The following HK1 variants were observed in gnomAD, a reference collection of about 807,000 sequenced individuals.
HK1 encodes hexokinase-1.
HK1 carries 28 observed loss-of-function variants against 91.6 expected under a neutral mutation model. That is an observed-to-expected ratio of 0.31 (90% CI 0.23 to 0.42). The LOEUF (loss-of-function observed/expected upper bound fraction) is 0.42. Ranked by LOEUF, HK1 falls within the 10% of genes least tolerant of loss-of-function variation. The pLI is 1.00. For synonymous variants in HK1, 430 were observed against 468.1 expected, an observed-to-expected ratio of 0.92 and a Z score of 1.05; for missense variants, 770 against 1,219.8, an observed-to-expected ratio of 0.63 and a Z score of 5.49.
intron 9 of HK1, among the ~76,000 whole-genome samples, chr10:69,381,807 G>A (rs913381960): frequency 1.3e-5 from 2 of 152,184 alleles, no homozygotes; most frequent in African/African-American, 2.4e-5. Flanking sequence ...ACCTGCCTTG[G>A]CCTCCCAAAG....
At chr10:69,371,433 A>G (rs1850000664) in intron 7 of HK1, among the ~76,000 whole-genome samples, 1 of 150,390 alleles carries the variant, frequency 6.6e-6, no homozygotes, top group Non-Finnish European at 1.5e-5. Context: ...GTGCTGCCTC[A>G]GGCACCTCTG....
intron 5 of HK1, among the ~76,000 whole-genome samples, chr10:69,301,953 T>C (rs4745981): frequency 0.9 from 137,060 of 152,208 alleles, 61,858 homozygotes; most frequent in East Asian, 0.99. Flanking sequence ...GATTTCAAAA[T>C]TTTAAAAGCA....
chr10:69,381,858 A>G (rs1839405847), intron 9 of HK1, among the ~76,000 whole-genome samples: 1 of 152,164 alleles, frequency 6.6e-6, no homozygotes, highest in African/African-American at 2.4e-5. Flanking sequence ...ACTTGGCCCC[A>G]TCTGACTTTT....
intron 2 of HK1, among the ~76,000 whole-genome samples, chr10:69,353,463 C>T (rs549458668): frequency 1.3e-5 from 2 of 152,102 alleles, no homozygotes; most frequent in African/African-American, 2.4e-5. Context: ...TGTGGTGGCA[C>T]GTGCCGGTAG....
In HK1 at chr10:69,283,840, A is replaced by G. The variant is rs947146558; in HGVS notation, c.-215+1136A>G. Among the ~76,000 whole-genome samples the G allele has an allele frequency of 6.6e-5, 10 of 151,794 alleles. No homozygotes were observed. The East Asian group carries it at 1.7e-3, about 26-fold the overall frequency. Reference sequence around the variant, plus strand: ...AAAGAAAAGAAAAAAAGAAAAAGAAAATAAAGAGCTATCCAAGTCTCAGGA... The same window carrying G: ...AAAGAAAAGAAAAAAAGAAAAAGAAGATAAAGAGCTATCCAAGTCTCAGGA... On this transcript the variant is annotated intron_variant, in intron 2 of 21. Coordinates refer to the HK1 transcript ENST00000360289.
At chr10:69,345,426 T>C (rs79058902) in intron 2 of HK1, among the ~76,000 whole-genome samples, 149 of 152,290 alleles carry the variant, frequency 9.8e-4, no homozygotes, top group African/African-American at 3.3e-3. Flanking sequence ...TAGTTCACTC[T>C]TGCTTTTTCC....
At chr10:69,367,424 C>G in intron 4 of HK1, among the ~76,000 whole-genome samples, 1 of 152,210 alleles carries the variant, frequency 6.6e-6, no homozygotes, top group East Asian at 1.9e-4. Flanking sequence ...AATGGGCAGA[C>G]AGTATGAAGT....
chr10:69,344,634 T>C lies in HK1; in HGVS notation c.226+645T>C, dbSNP rs576839250. ...TGGCTCATACCCTGCAGTGGGGCGTTGGGGGAGGGCCCCCTGAGGATTGTC... is the reference window on the plus strand; with the variant it reads ...TGGCTCATACCCTGCAGTGGGGCGTCGGGGGAGGGCCCCCTGAGGATTGTC... On this transcript the variant is annotated intron_variant, in intron 2 of 17. Transcript: ENST00000359426. 2.0e-5 allele frequency among the ~76,000 whole-genome samples: 3 copies of C among 152,344 alleles called. No individual in the cohort carries two copies. The South Asian group carries it at 6.2e-4, about 32-fold the overall frequency.
chr10:69,344,133 G>A lies in HK1; in HGVS notation c.226+144G>A, dbSNP rs530669650. The A allele has an allele frequency of 5.7e-4, 470 of 824,574 alleles. 8 individuals carry two copies. In the South Asian group the frequency reaches 6.1e-3, roughly 11 times the overall value. The allele number at this position is 824,574 out of a possible 1,614,324, so 51.1% of individuals were successfully genotyped here. On this transcript the variant is annotated intron_variant, in intron 2 of 17. Coordinates refer to ENST00000359426, the MANE Select transcript of HK1 (RefSeq NM_000188.3). Reference sequence around the variant, plus strand: ...CTCCCATCCATCCATCCATCCATCCGCTGATCCATCTGCTGATCCATCCAT... The same window carrying A: ...CTCCCATCCATCCATCCATCCATCCACTGATCCATCTGCTGATCCATCCAT...
chr10:69,293,966 A>G (rs941430966), intron 3 of HK1, among the ~76,000 whole-genome samples: 1 of 138,600 alleles, frequency 7.2e-6, no homozygotes, highest in African/African-American at 2.7e-5. Context: ...GGTTCACGCC[A>G]TTCTCCTGCC....
intron 1 of HK1, among the ~76,000 whole-genome samples, chr10:69,340,687 C>T (rs1326272916): frequency 6.6e-6 from 1 of 152,228 alleles, no homozygotes. Flanking sequence ...GCCACTGTGC[C>T]AGCTAGCAAT....
chr10:69,271,088 T>C (rs1168337537), intron 1 of HK1: 2 of 152,160 alleles, frequency 1.3e-5, no homozygotes, highest in Admixed American at 1.3e-4. Flanking sequence ...AAGACATCAT[T>C]CCTGCTCTGT....
At chr10:69,400,905 G>C in intron 17 of HK1, 86 bp from the exon 18 acceptor site, 3 of 1,391,716 alleles carry the variant, frequency 2.2e-6, no homozygotes, top group Non-Finnish European at 3.1e-6. Context: ...CACCAGTCAG[G>C]GGGCTGTCTG....
chr10:69,383,231 T>A (rs1424819546), intron 10 of HK1, among the ~76,000 whole-genome samples: 1 of 152,240 alleles, frequency 6.6e-6, no homozygotes, highest in Non-Finnish European at 1.5e-5. Flanking sequence ...CCCACAGCAC[T>A]GATTAGGTTT....
chr10:69,301,110 G>A (rs1845843084), intron 5 of HK1, among the ~76,000 whole-genome samples: 1 of 151,932 alleles, frequency 6.6e-6, no homozygotes, highest in Non-Finnish European at 1.5e-5. Flanking sequence ...GCCGGGTGTA[G>A]TGTTGGGTGC....
chr10:69,332,572 G>A (rs1199039229), intron 1 of HK1, among the ~76,000 whole-genome samples: 3 of 151,684 alleles, frequency 2.0e-5, no homozygotes, highest in Non-Finnish European at 4.4e-5. Flanking sequence ...TAGTAGAGAC[G>A]GGTTTTGCCA....
At chr10:69,338,680 A>AGTGT (rs10578071) in intron 1 of HK1, 316 of 1,169,518 alleles carry the variant, frequency 2.7e-4, no homozygotes, top group African/African-American at 5.5e-4. Flanking sequence ...TGGAGATGTG[A>AGTGT]GTGTGTGTGT....
chr10:69,344,402 C>T (rs1389231875), intron 2 of HK1, among the ~76,000 whole-genome samples: 3 of 152,086 alleles, frequency 2.0e-5, no homozygotes, highest in African/African-American at 7.3e-5. Context: ...GGAAATCTCT[C>T]CATCAGGGAA....
chr10:69,306,309 G>T (rs1846100561), intron 5 of HK1, among the ~76,000 whole-genome samples: 1 of 151,980 alleles, frequency 6.6e-6, no homozygotes, highest in African/African-American at 2.4e-5. Flanking sequence ...AGTGAGCTGA[G>T]ATCGCACCAG....
Sources: allele counts gnomAD v4.1 joint callset (sites outside exome capture counted in the v4.1 genomes callset), GRCh38; gene constraint gnomAD v4.1.1; transcripts MANE v1.5; gene names NCBI Gene and HGNC (gene_info 2026-07-23, HGNC 2026-07-21).